The following PTPRD variants were observed in gnomAD, a reference collection of about 807,000 sequenced individuals.
PTPRD encodes protein tyrosine phosphatase receptor type D.
PTPRD carries 34 observed loss-of-function variants against 214.5 expected under a neutral mutation model. The observed-to-expected ratio is 0.16, with a 90% confidence interval of 0.12 to 0.21. The LOEUF is 0.21. Ranked by LOEUF, PTPRD falls within the 10% of genes least tolerant of loss-of-function variation. The probability of loss-of-function intolerance (pLI) is 1.00; values close to 1 mark genes in which losing one functional copy is unlikely to be tolerated. For synonymous variants in PTPRD, 1,128 were observed against 845.7 expected, an observed-to-expected ratio of 1.33 and a Z score of -5.79; for missense variants, 2,545 against 2,398.7, an observed-to-expected ratio of 1.06 and a Z score of -1.27.
At chr9:8,737,146 C>CA (rs2090650346) in intron 11 of PTPRD, among the ~76,000 whole-genome samples, 1 of 152,108 alleles carries the variant, frequency 6.6e-6, no homozygotes, top group South Asian at 2.1e-4. Context: ...ATAAGAAGAC[C>CA]AAATTTTTTC....
intron 3 of PTPRD, among the ~76,000 whole-genome samples, chr9:10,123,537 C>T (rs553501087): frequency 1.4e-4 from 22 of 152,242 alleles, no homozygotes; most frequent in African/African-American, 5.3e-4. Context: ...CTATGATCTC[C>T]AGCCCTGTCC....
chr9:9,203,849 G>C (rs570398573), intron 9 of PTPRD, among the ~76,000 whole-genome samples: 2 of 152,280 alleles, frequency 1.3e-5, no homozygotes, highest in African/African-American at 4.8e-5. Context: ...GGCTATTTTA[G>C]AGATGTGTTA....
intron 5 of PTPRD, among the ~76,000 whole-genome samples, chr9:9,864,014 G>A (rs765781243): frequency 1.3e-5 from 2 of 152,094 alleles, no homozygotes; most frequent in African/African-American, 4.8e-5. Context: ...TAGTAAGTTT[G>A]AAAGGTTTGG....
intron 3 of PTPRD, among the ~76,000 whole-genome samples, chr9:10,204,868 C>T (rs963523505): frequency 7.9e-5 from 12 of 152,112 alleles, no homozygotes; most frequent in African/African-American, 2.9e-4. Context: ...CATCCAGGTA[C>T]ACAACAAGTC....
intron 10 of PTPRD, among the ~76,000 whole-genome samples, chr9:9,121,628 G>T (rs920433648): frequency 2.0e-5 from 3 of 152,026 alleles, no homozygotes; most frequent in Non-Finnish European, 4.4e-5. Context: ...CTATGAGGAC[G>T]CAGAAGCCTA....
At chr9:9,302,243 G>A (rs1278466800) in intron 9 of PTPRD, among the ~76,000 whole-genome samples, 3 of 151,282 alleles carry the variant, frequency 2.0e-5, no homozygotes, top group African/African-American at 7.3e-5. Context: ...ATTTCCTTCT[G>A]GCCCTATCTG....
At chr9:8,399,835 A>T (rs2129962808) in intron 36 of PTPRD, among the ~76,000 whole-genome samples, 1 of 152,290 alleles carries the variant, frequency 6.6e-6, no homozygotes, top group East Asian at 1.9e-4. Flanking sequence ...CTGCCTTGAG[A>T]CTGACATATA....
intron 3 of PTPRD, among the ~76,000 whole-genome samples, chr9:10,066,824 A>G (rs2154175304): frequency 6.6e-6 from 1 of 151,946 alleles, no homozygotes; most frequent in South Asian, 2.1e-4. Context: ...CAATACTACT[A>G]TGTGTACTCA....
At chr9:10,345,632 T>C (rs1436816073) in intron 2 of PTPRD, among the ~76,000 whole-genome samples, 2 of 152,246 alleles carry the variant, frequency 1.3e-5, no homozygotes, top group Non-Finnish European at 2.9e-5. Context: ...CCACGGTGTA[T>C]ATGTGCCACA....
At chr9:8,631,425 T>C (rs1334504017) in intron 14 of PTPRD, among the ~76,000 whole-genome samples, 1 of 151,828 alleles carries the variant, frequency 6.6e-6, no homozygotes, top group Non-Finnish European at 1.5e-5. Context: ...GCTGACTTGA[T>C]TGCTTTAGAA....
intron 7 of PTPRD, among the ~76,000 whole-genome samples, chr9:9,713,188 C>G (rs1469377575): frequency 6.6e-6 from 1 of 152,150 alleles, no homozygotes; most frequent in East Asian, 1.9e-4. Flanking sequence ...CAGAAAACTT[C>G]AGACAGAAAA....
chr9:8,358,937 C>T (rs938412264), intron 39 of PTPRD, among the ~76,000 whole-genome samples: 1 of 150,502 alleles, frequency 6.6e-6, no homozygotes, highest in Non-Finnish European at 1.5e-5. Flanking sequence ...GAAACCCCGT[C>T]TCTACTAAAA....
chr9:9,894,535 T>C (rs1455894248), intron 5 of PTPRD, among the ~76,000 whole-genome samples: 1 of 152,024 alleles, frequency 6.6e-6, no homozygotes, highest in African/African-American at 2.4e-5. Context: ...ATTTGTCTAA[T>C]CAACTTTCAC....
intron 2 of PTPRD, among the ~76,000 whole-genome samples, chr9:10,394,637 T>A (rs892070896): frequency 1.3e-5 from 2 of 151,974 alleles, no homozygotes; most frequent in Non-Finnish European, 2.9e-5. Flanking sequence ...CACATCCTAA[T>A]AGTCACTGAA....
intron 3 of PTPRD, among the ~76,000 whole-genome samples, chr9:10,118,616 G>T (rs910589209): frequency 6.6e-6 from 1 of 151,260 alleles, no homozygotes; most frequent in Non-Finnish European, 1.5e-5. Flanking sequence ...GAGAATAAAA[G>T]AATTAAAGAT....
chr9:9,480,827 A>T lies in PTPRD; in HGVS notation c.-236-83345T>A, dbSNP rs576058409. On this transcript the variant is annotated intron_variant, in intron 8 of 45. Transcript: ENST00000381196. Reference sequence around the variant, plus strand: ...ACAACTAAATGCTAAAACATGTGGTACGTGGACTGTCTCTGATATCATATT... The same window carrying T: ...ACAACTAAATGCTAAAACATGTGGTTCGTGGACTGTCTCTGATATCATATT... 2.3e-4 allele frequency among the ~76,000 whole-genome samples: 35 copies of T among 152,288 alleles called. No individual in the cohort carries two copies. In the South Asian group the frequency reaches 7.2e-3, roughly 32 times the overall value.
At chr9:10,186,735 T>G (rs2099332182) in intron 3 of PTPRD, among the ~76,000 whole-genome samples, 1 of 152,192 alleles carries the variant, frequency 6.6e-6, no homozygotes, top group Non-Finnish European at 1.5e-5. Flanking sequence ...TATAAATTAT[T>G]TATCTGTATG....
At chr9:8,476,600 A>C (rs988744886) in intron 30 of PTPRD, among the ~76,000 whole-genome samples, 5 of 152,126 alleles carry the variant, frequency 3.3e-5, no homozygotes, top group Admixed American at 6.5e-5. Context: ...ATTTTTTTTA[A>C]ACCTATTACC....
chr9:10,003,911 A>G (rs974025242), intron 4 of PTPRD, among the ~76,000 whole-genome samples: 1 of 151,806 alleles, frequency 6.6e-6, no homozygotes, highest in African/African-American at 2.4e-5. Flanking sequence ...ACCCTAATAC[A>G]AATTATTCAA....
Sources: allele counts gnomAD v4.1 joint callset (sites outside exome capture counted in the v4.1 genomes callset), GRCh38; gene constraint gnomAD v4.1.1; transcripts MANE v1.5; gene names NCBI Gene and HGNC (gene_info 2026-07-23, HGNC 2026-07-21).